Variants in OTOG observed in about 807,000 individuals in gnomAD.
OTOG encodes otogelin.
OTOG carries 296 observed loss-of-function variants against 313.8 expected under a neutral mutation model. The observed-to-expected ratio is 0.94, with a 90% CI of 0.86 to 1.04. OTOG has a LOEUF of 1.04. OTOG is among the 50% of genes least tolerant of loss of function. OTOG has a pLI of 0.00. For missense variants in OTOG, 3,948 were observed against 3,840.1 expected, an observed-to-expected ratio of 1.03 and a Z score of -0.74; for synonymous variants, 1,533 against 1,554.9, an observed-to-expected ratio of 0.99 and a Z score of 0.33.
Position 17,572,203 on chromosome 11 carries a change from C to G in OTOG, c.2079C>G (p.Ala693=), listed in dbSNP as rs750164125. ...ACCCCTGCGATGTGCACCTGCAAGCCGGTGAGTTGGTGGGGGAAGAGGAGA... is the reference window on the plus strand; with the variant it reads ...ACCCCTGCGATGTGCACCTGCAAGCGGGTGAGTTGGTGGGGGAAGAGGAGA... The part of the protein sequence containing the change: ...PLDPCDVHLQ[A]ASYSVQACSV... Residue 693 remains alanine, a splice_region_variant and synonymous_variant, in exon 18 of 56, where the codon GCC becomes GCG. Coordinates refer to ENST00000399397, the MANE Select transcript of OTOG (RefSeq NM_001292063.2). 7.1e-6 allele frequency: 11 copies of G among 1,550,136 alleles called. No individual in the cohort carries two copies. In the Admixed American group the frequency reaches 1.4e-4, roughly 19 times the overall value.
At chr11:17,558,468 T>A (rs1347985184) in intron 9 of OTOG, 70 bp from the exon 10 acceptor site, 6 of 1,530,794 alleles carry the variant, frequency 3.9e-6, no homozygotes, top group Non-Finnish European at 5.3e-6. Flanking sequence ...ACAGCTCAAG[T>A]TGGGGTTCTG....
intron 6 of OTOG, 22 bp downstream of exon 6, chr11:17,553,541 C>T: frequency 7.0e-7 from 1 of 1,421,910 alleles, no homozygotes; most frequent in Non-Finnish European, 9.2e-7. Flanking sequence ...CCTGCCTTGC[C>T]TGTCCAGGAA....
Position 17,559,642 on chromosome 11 carries a change from A to T in OTOG, c.1322A>T (p.Asp441Val). The T allele has an allele frequency of 6.4e-7, 1 of 1,550,772 alleles. No individual in the cohort carries two copies. Among genetic ancestry groups the T allele is most frequent in the Non-Finnish European group, 8.7e-7 (1 of 1,147,046 alleles). ...SCVDSEIACV[D>V]GCYCPNGLIF... ...GTGGACAGTGAGATCGCCTGTGTGG[A>T]CGGCTGCTATTGCCCCAATGGTATG... The change falls in exon 12 of 56, where the codon GAC (aspartate) becomes GTC (valine). Residue 441 changes from aspartate to valine, a missense_variant. Physicochemically the swap from Asp to Val is radical, Grantham distance 152 (BLOSUM62 -3). Transcript: ENST00000399397.
At chr11:17,636,718 C>T (rs556594795) in intron 47 of OTOG, among the ~76,000 whole-genome samples, 2 of 152,076 alleles carry the variant, frequency 1.3e-5, no homozygotes, top group Admixed American at 6.5e-5. Flanking sequence ...CTCAGCCCTC[C>T]TCCTGTATTC....
Position 17,591,464 on chromosome 11 carries a change from G to A in OTOG, c.2882G>A (p.Gly961Asp), listed in dbSNP as rs1412949718. 8 of 1,550,602 alleles carry A rather than the reference G, an allele frequency of 5.2e-6. No homozygotes were observed. The highest frequency in any genetic ancestry group is 6.1e-6 in the Non-Finnish European group (7 of 1,147,034). ...SPCHTCVCQR[G>D]SFQCTLHPCA... Reference sequence around the variant, plus strand: ...GTGTTTTTCAGTGTGTGCCAGCGGGGCTCATTCCAGTGCACCCTGCACCCT... The same window carrying A: ...GTGTTTTTCAGTGTGTGCCAGCGGGACTCATTCCAGTGCACCCTGCACCCT... Residue 961 changes from glycine (G) to aspartate (D), a missense_variant, in exon 25 of 56, where the codon GGC becomes GAC. Coordinates refer to ENST00000399397, the MANE Select transcript of OTOG (RefSeq NM_001292063.2).
At chr11:17,582,682 A>G (rs1331060221) in intron 23 of OTOG, among the ~76,000 whole-genome samples, 1 of 152,132 alleles carries the variant, frequency 6.6e-6, no homozygotes, top group African/African-American at 2.4e-5. Flanking sequence ...GTCCTATCTC[A>G]TTATGGCTTT....
Position 17,602,322 on chromosome 11 carries a change from A to G in OTOG, c.3822A>G (p.Pro1274=), listed in dbSNP as rs1168336598. ...TAGTGAGGACAGAGGATGTGGCGCC[A>G]GCAGACATTGTGAGCTTCCTGCTGA... is the stretch of plus-strand genomic sequence containing the variant. ...IVLVRTEDVA[P]ADIVSFLLTA... The change falls in exon 32 of 56, where the codon CCA becomes CCG. Residue 1274 remains proline (P), a synonymous_variant. Coordinates refer to ENST00000399397, the MANE Select transcript of OTOG (RefSeq NM_001292063.2). The G allele has an allele frequency of 6.4e-7, 1 of 1,550,598 alleles. No homozygotes were observed. Among genetic ancestry groups the G allele is most frequent in the Non-Finnish European group, 8.7e-7 (1 of 1,146,964 alleles).
At position 17,610,201 on chromosome 11, in the gene OTOG, C is replaced by T. The variant is rs1256306888; in HGVS notation, c.4901C>T (p.Pro1634Leu). The T allele has an allele frequency of 1.9e-6, 3 of 1,550,548 alleles. No homozygotes were observed. Among genetic ancestry groups the T allele is most frequent in the Non-Finnish European group, 2.6e-6 (3 of 1,146,914 alleles). The change falls in exon 36 of 56, where the codon CCC (proline) becomes CTC (leucine). Residue 1634 changes from proline to leucine, a missense_variant. Pro to Leu is a moderately conservative substitution (Grantham distance 98). Coordinates refer to ENST00000399397, the MANE Select transcript of OTOG (RefSeq NM_001292063.2). ...GGCTCCTTGCCTGTTAGGACGACACCCCCACAGCCCTCCTTGACAGCAAGT... is the reference window on the plus strand; with the variant it reads ...GGCTCCTTGCCTGTTAGGACGACACTCCCACAGCCCTCCTTGACAGCAAGT... ...GHGSLPVRTT[P>L]PQPSLTASPS...
intron 4 of OTOG, among the ~76,000 whole-genome samples, chr11:17,552,531 C>CTGTGTCCCTCACCTGTACTGTGTCT (rs1851959107): frequency 2.2e-5 from 1 of 44,530 alleles, no homozygotes; most frequent in Non-Finnish European, 4.7e-5. Context: ...TTCCTACCTC[C>CTGTGTCCCTCACCTGTACTGTGTCT]CCCACCTGTC....
At position 17,560,823 on chromosome 11, in the gene OTOG, T is replaced by A. The variant is rs1206983830; in HGVS notation, c.1451+6T>A. 6.5e-7 allele frequency: 1 copy of A among 1,547,878 alleles called. No individual in the cohort carries two copies. The highest frequency in any genetic ancestry group is 2.0e-5 in the Admixed American group (1 of 50,996). On this transcript the variant is annotated splice_donor_region_variant and intron_variant, in intron 13 of 55. Transcript: ENST00000399397. ...AAGGAAGACTGCAATACTTGGTCTG[T>A]GTCTGCTGCCGGGAAGCAGGGTGTG...
intron 38 of OTOG, among the ~76,000 whole-genome samples, chr11:17,613,327 C>CCCTTCCTTCCCTCCTT (rs1853637953): frequency 2.9e-5 from 3 of 102,390 alleles, no homozygotes; most frequent in African/African-American, 1.5e-4. Context: ...CTCTGCCCTG[C>CCCTTCCTTCCCTCCTT]CCTTCCTTCC....
intron 20 of OTOG, 39 bp downstream of exon 20, chr11:17,574,951 G>A (rs900774084): frequency 6.8e-7 from 1 of 1,462,966 alleles, no homozygotes; most frequent in South Asian, 1.4e-5. Context: ...GGGTGGGAAG[G>A]TGAGGCCAGG....
In OTOG at chr11:17,580,847, C is replaced by T. The variant is rs552986761; in HGVS notation, c.2759+2321C>T. 2.0e-5 allele frequency among the ~76,000 whole-genome samples: 3 copies of T among 152,326 alleles called. No individual in the cohort carries two copies. The South Asian group carries it at 6.2e-4, about 32-fold the overall frequency. ...ATTATTCCTGTTTTAAGCACAAAAA[C>T]AGAGGCTTAGAAGGGTTAAGTGGCT... is the stretch of plus-strand genomic sequence containing the variant. On this transcript the variant is annotated intron_variant, in intron 23 of 55. Coordinates refer to ENST00000399397, the MANE Select transcript of OTOG (RefSeq NM_001292063.2).
chr11:17,577,920 TTCAGAG>T (rs58651103), intron 22 of OTOG, among the ~76,000 whole-genome samples: 5,953 of 152,200 alleles, frequency 0.039, 311 homozygotes, highest in African/African-American at 0.12. Context: ...CTCCTTGTCA[TTCAGAG>T]TCCTCTGGCC....
chr11:17,622,697 G>A (rs532450437), intron 39 of OTOG, among the ~76,000 whole-genome samples: 2 of 152,170 alleles, frequency 1.3e-5, no homozygotes, highest in African/African-American at 4.8e-5. Flanking sequence ...ATATTATTGT[G>A]GCTGAATAGT....
Position 17,570,285 on chromosome 11 carries a change from A to C in OTOG, c.1850A>C (p.Tyr617Ser). 6.4e-7 allele frequency: 1 copy of C among 1,550,782 alleles called. No individual in the cohort carries two copies. Among genetic ancestry groups the C allele is most frequent in the Non-Finnish European group, 8.7e-7 (1 of 1,147,026 alleles). ...ACGAACGTGGGCGTGCGGGTGCTCT[A>C]CGACCGTGAAGGGCTCCGACTGTAC... ...VRTNVGVRVL[Y>S]DREGLRLYLQ... Residue 617 changes from tyrosine to serine, a missense_variant, in exon 17 of 56, where the codon TAC becomes TCC. Physicochemically the swap from Tyr to Ser is moderately radical, Grantham distance 144. Transcript: ENST00000399397.
chr11:17,585,565 G>A (rs1225361472), intron 23 of OTOG, among the ~76,000 whole-genome samples: 2 of 152,006 alleles, frequency 1.3e-5, no homozygotes, highest in African/African-American at 2.4e-5. Flanking sequence ...GTTTGCTCTT[G>A]TATTTCTAAT....
rs1437213368 is a variant in OTOG, at chr11:17,572,153, C to T, written c.2029C>T (p.Pro677Ser). The change falls in exon 18 of 56, where the codon CCG becomes TCG. Residue 677 changes from proline (P) to serine (S), a missense_variant. Coordinates refer to ENST00000399397, the MANE Select transcript of OTOG (RefSeq NM_001292063.2). ...NSWKTLSACS[P>S]LVSGSPLDPC... Reference sequence around the variant, plus strand: ...CTGGAAAACACTTTCTGCTTGCTCCCCGCTGGTCTCTGGCTCCCCTCTGGA... The same window carrying T: ...CTGGAAAACACTTTCTGCTTGCTCCTCGCTGGTCTCTGGCTCCCCTCTGGA... The T allele has an allele frequency of 6.4e-7, 1 of 1,550,488 alleles. No individual in the cohort carries two copies. Among genetic ancestry groups the T allele is most frequent in the East Asian group, 2.4e-5 (1 of 40,884 alleles).
chr11:17,620,817 C>G (rs1178672380), intron 39 of OTOG, among the ~76,000 whole-genome samples: 1 of 152,110 alleles, frequency 6.6e-6, no homozygotes, highest in Non-Finnish European at 1.5e-5. Flanking sequence ...TTTTTTAATT[C>G]TGTGCTTCAT....
Sources: allele counts gnomAD v4.1 joint callset (sites outside exome capture counted in the v4.1 genomes callset), GRCh38; gene constraint gnomAD v4.1.1; transcripts MANE v1.5; gene names NCBI Gene and HGNC (gene_info 2026-07-23, HGNC 2026-07-21).